Variants in NELL2 observed in about 807,000 individuals in gnomAD.
NELL2 encodes the protein protein kinase C-binding protein NELL2.
In NELL2, 41 loss-of-function variants were observed where a neutral mutation model predicts 109.6. That is an observed-to-expected ratio of 0.37 (90% confidence interval 0.29 to 0.49). NELL2 has a LOEUF of 0.49. NELL2 is among the 20% of genes least tolerant of loss of function. The pLI is 0.98. For missense variants in NELL2, 900 were observed against 1,008.3 expected, an observed-to-expected ratio of 0.89 and a Z score of 1.45; for synonymous variants, 355 against 344.7, an observed-to-expected ratio of 1.03 and a Z score of -0.33.
intron 12 of NELL2, among the ~76,000 whole-genome samples, chr12:44,694,870 C>T (rs979645027): frequency 2.0e-5 from 3 of 152,140 alleles, no homozygotes; most frequent in African/African-American, 7.2e-5. Flanking sequence ...GGCTATCGCT[C>T]ATCTTACTCT....
At chr12:44,633,120 G>C (rs1198687017) in intron 13 of NELL2, among the ~76,000 whole-genome samples, 2 of 151,914 alleles carry the variant, frequency 1.3e-5, no homozygotes, top group African/African-American at 4.8e-5. Flanking sequence ...AGAAAAGTCT[G>C]AATAGTCAGG....
At chr12:44,786,465 T>A (rs1942174626) in intron 3 of NELL2, among the ~76,000 whole-genome samples, 1 of 152,186 alleles carries the variant, frequency 6.6e-6, no homozygotes, top group Non-Finnish European at 1.5e-5. Flanking sequence ...GAAGACAGTG[T>A]GGCAATTCCT....
intron 12 of NELL2, among the ~76,000 whole-genome samples, chr12:44,698,095 T>C (rs749940805): frequency 1.3e-5 from 2 of 152,162 alleles, no homozygotes; most frequent in East Asian, 3.8e-4. Context: ...GTATCCAAAT[T>C]TCTCCTTTTT....
At chr12:44,779,586 ATAAAAAG>A in intron 5 of NELL2, 70 bp downstream of exon 5, 1 of 1,194,658 alleles carries the variant, frequency 8.4e-7, no homozygotes, top group South Asian at 1.4e-5. Flanking sequence ...GTTTCACACC[ATAAAAAG>A]TAAAATCTAC....
chr12:44,841,613 G>A (rs1944228002), intron 2 of NELL2, among the ~76,000 whole-genome samples: 2 of 152,108 alleles, frequency 1.3e-5, no homozygotes, highest in South Asian at 2.1e-4. Flanking sequence ...AAGAGCTCTA[G>A]GAATCTTGCA....
chr12:44,683,197 C>T (rs893751885), intron 12 of NELL2, among the ~76,000 whole-genome samples: 3 of 152,222 alleles, frequency 2.0e-5, no homozygotes, highest in Admixed American at 6.5e-5. Context: ...AACGGGAGTT[C>T]ACTCATGATT....
At chr12:44,790,001 A>C (rs995752550) in intron 3 of NELL2, among the ~76,000 whole-genome samples, 6 of 152,158 alleles carry the variant, frequency 3.9e-5, no homozygotes, top group African/African-American at 1.4e-4. Context: ...ACCTAAGAAT[A>C]GTTGGTGTTC....
intron 2 of NELL2, among the ~76,000 whole-genome samples, chr12:44,840,774 G>A (rs1385985866): frequency 6.6e-6 from 1 of 152,154 alleles, no homozygotes; most frequent in Non-Finnish European, 1.5e-5. Flanking sequence ...AAAACAAATT[G>A]TATTATGAGT....
At chr12:44,812,836 C>A (rs967372113) in intron 3 of NELL2, among the ~76,000 whole-genome samples, 10 of 152,082 alleles carry the variant, frequency 6.6e-5, no homozygotes, top group African/African-American at 2.4e-4. Flanking sequence ...AATAAAGAAC[C>A]TAGTTTAATG....
At chr12:44,682,585 T>C (rs542604042) in intron 12 of NELL2, among the ~76,000 whole-genome samples, 47 of 152,348 alleles carry the variant, frequency 3.1e-4, no homozygotes, top group African/African-American at 1.1e-3. Flanking sequence ...CATCTTGAAT[T>C]GATTTTTGTA....
chr12:44,517,356 T>G (rs1941316114), intron 19 of NELL2, among the ~76,000 whole-genome samples: 1 of 148,690 alleles, frequency 6.7e-6, no homozygotes. Context: ...GTCTGGTACC[T>G]ACCCACCAAC....
chr12:44,586,664 C>T (rs912891153), intron 15 of NELL2, among the ~76,000 whole-genome samples: 5 of 152,156 alleles, frequency 3.3e-5, no homozygotes, highest in East Asian at 3.8e-4. Context: ...AACAGAGATA[C>T]TTTTTCTCAC....
chr12:44,529,289 A>G (rs1165491224), intron 16 of NELL2, among the ~76,000 whole-genome samples: 2 of 152,062 alleles, frequency 1.3e-5, no homozygotes, highest in Non-Finnish European at 2.9e-5. Context: ...GATATGAGGA[A>G]AAGAAGGAAG....
chr12:44,677,052 G>C (rs534067726), intron 12 of NELL2, among the ~76,000 whole-genome samples: 1 of 152,210 alleles, frequency 6.6e-6, no homozygotes, highest in Admixed American at 6.6e-5. Context: ...TCCAAACCCA[G>C]TCTTACAAAC....
At chr12:44,639,368 A>G (rs1305718311) in intron 13 of NELL2, among the ~76,000 whole-genome samples, 1 of 152,188 alleles carries the variant, frequency 6.6e-6, no homozygotes, top group Non-Finnish European at 1.5e-5. Flanking sequence ...ACCTCTTTCC[A>G]GCGTTATCAT....
intron 10 of NELL2, among the ~76,000 whole-genome samples, chr12:44,712,146 T>C (rs1938238064): frequency 6.6e-6 from 1 of 152,084 alleles, no homozygotes; most frequent in Non-Finnish European, 1.5e-5. Context: ...GATCATTAAC[T>C]ATGTTATATT....
At chr12:44,833,165 T>C (rs915756927) in intron 2 of NELL2, among the ~76,000 whole-genome samples, 1 of 152,232 alleles carries the variant, frequency 6.6e-6, no homozygotes, top group African/African-American at 2.4e-5. Context: ...TCTTTTGTTG[T>C]ATAACATTCC....
intron 12 of NELL2, among the ~76,000 whole-genome samples, chr12:44,701,273 C>T (rs1394966687): frequency 6.6e-6 from 1 of 151,880 alleles, no homozygotes; most frequent in Admixed American, 6.6e-5. Flanking sequence ...TAAAAAAATT[C>T]AAGATATCTT....
At chr12:44,760,811 T>G (rs1423164250) in intron 9 of NELL2, among the ~76,000 whole-genome samples, 1 of 151,986 alleles carries the variant, frequency 6.6e-6, no homozygotes. Flanking sequence ...TAGTAAATAT[T>G]TGATGAATAA....
Sources: gnomAD v4.1 joint callset for allele counts (sites outside exome capture counted in the v4.1 genomes callset) on GRCh38, gnomAD v4.1.1 for gene constraint, MANE v1.5 for transcripts, NCBI Gene and HGNC (gene_info 2026-07-23, HGNC 2026-07-21) for gene names.